Variants in PCSK5 observed in about 807,000 individuals in gnomAD.
The protein encoded by PCSK5 is proprotein convertase subtilisin/kexin type 5.
PCSK5 carries 129 observed loss-of-function variants against 233.2 expected under a neutral mutation model. The ratio of observed to expected loss-of-function variants is 0.55; its 90% CI spans 0.48 to 0.64. PCSK5 has a LOEUF of 0.64. Ranked by LOEUF, PCSK5 falls within the 30% of genes least tolerant of loss-of-function variation. The pLI is 0.00. For synonymous variants in PCSK5, 825 were observed against 879.2 expected (o/e 0.94, Z 1.09); for missense variants, 2,076 against 2,430.1 (o/e 0.85, Z 3.06).
chr9:75,977,756 G>A (rs922132433), intron 2 of PCSK5, among the ~76,000 whole-genome samples: 6 of 151,478 alleles, frequency 4.0e-5, no homozygotes, highest in African/African-American at 1.2e-4. Context: ...GATTACAGGC[G>A]CCTCCCACCA....
chr9:76,235,799 C>T (rs986178912), intron 22 of PCSK5, among the ~76,000 whole-genome samples: 5 of 152,188 alleles, frequency 3.3e-5, no homozygotes, highest in African/African-American at 1.2e-4. Flanking sequence ...GTAGCTCTGC[C>T]TCCTTGAGAG....
chr9:75,952,717 G>A (rs1218091661), intron 2 of PCSK5, among the ~76,000 whole-genome samples: 1 of 152,130 alleles, frequency 6.6e-6, no homozygotes, highest in Non-Finnish European at 1.5e-5. Flanking sequence ...GAATAATTCG[G>A]TATGTAGTCT....
intron 1 of PCSK5, among the ~76,000 whole-genome samples, chr9:75,908,909 A>ATCTATCTC (rs1822549235): frequency 7.8e-6 from 1 of 127,794 alleles, no homozygotes; most frequent in Non-Finnish European, 1.7e-5. Context: ...CTATCTATCT[A>ATCTATCTC]TCTATCTATC....
At chr9:75,942,655 C>G (rs1824365588) in intron 2 of PCSK5, among the ~76,000 whole-genome samples, 1 of 152,108 alleles carries the variant, frequency 6.6e-6, no homozygotes, top group Non-Finnish European at 1.5e-5. Context: ...TCACTGACAC[C>G]TATGACTGCC....
intron 24 of PCSK5, among the ~76,000 whole-genome samples, chr9:76,291,563 G>A (rs1439682762): frequency 1.3e-5 from 2 of 152,148 alleles, no homozygotes; most frequent in Admixed American, 6.5e-5. Context: ...CATCTTCTGG[G>A]AAGTGTTAGG....
chr9:76,177,793 T>C (rs367624667), intron 14 of PCSK5, among the ~76,000 whole-genome samples: 2 of 152,306 alleles, frequency 1.3e-5, no homozygotes, highest in South Asian at 2.1e-4. Context: ...TATTGGCACT[T>C]GTGAGAGAAC....
chr9:75,980,270 T>G (rs1225548934), intron 2 of PCSK5, among the ~76,000 whole-genome samples: 1 of 152,216 alleles, frequency 6.6e-6, no homozygotes, highest in Non-Finnish European at 1.5e-5. Flanking sequence ...TTTCTAAAAT[T>G]TTGGCTTCCT....
At chr9:75,982,276 G>T (rs996149525) in intron 2 of PCSK5, among the ~76,000 whole-genome samples, 1 of 151,994 alleles carries the variant, frequency 6.6e-6, no homozygotes, top group African/African-American at 2.4e-5. Context: ...GTTCTTACTG[G>T]CAGTGTTTTA....
chr9:76,214,781 TG>T (rs1344388964), intron 20 of PCSK5, among the ~76,000 whole-genome samples: 1 of 152,178 alleles, frequency 6.6e-6, no homozygotes, highest in Non-Finnish European at 1.5e-5. Flanking sequence ...TCCTGAGCCT[TG>T]GTTTCCTCAT....
chr9:76,246,483 G>A (rs1826602510), intron 24 of PCSK5, among the ~76,000 whole-genome samples: 1 of 151,826 alleles, frequency 6.6e-6, no homozygotes, highest in African/African-American at 2.4e-5. Flanking sequence ...CTGGTGGGAA[G>A]ACAAAATGGT....
Position 75,903,562 on chromosome 9 carries a change from A to ATG in PCSK5, c.192+12201_192+12202dup, listed in dbSNP as rs139359219. Reference sequence around the variant, plus strand: ...TATGTGTATGTGCATGTGTGTATATATGTGTGTGTGTGTATATATATATAT... The same window carrying ATG: ...TATGTGTATGTGCATGTGTGTATATATGTGTGTGTGTGTGTATATATATATAT... On this transcript the variant is annotated intron_variant, in intron 1 of 37. Transcript: ENST00000674117. Among the ~76,000 whole-genome samples, 172 of 136,684 alleles carry ATG rather than the reference A, an allele frequency of 1.3e-3. 5 individuals carry two copies. In the South Asian group the frequency reaches 0.027, roughly 22 times the overall value. 89.7% of individuals were successfully genotyped at this position (136,684 alleles called of 152,430 possible).
At chr9:75,966,091 A>T (rs1384564957) in intron 2 of PCSK5, among the ~76,000 whole-genome samples, 2 of 152,004 alleles carry the variant, frequency 1.3e-5, no homozygotes, top group Non-Finnish European at 2.9e-5. Flanking sequence ...TGCTGTGTTG[A>T]CCTCTCTTGG....
intron 24 of PCSK5, among the ~76,000 whole-genome samples, chr9:76,270,792 A>G (rs552366469): frequency 6.6e-6 from 1 of 152,310 alleles, no homozygotes; most frequent in South Asian, 2.1e-4. Flanking sequence ...TGGGTGTGTG[A>G]ATATTTTTAT....
At chr9:76,343,191 G>A (rs1478451246) in intron 35 of PCSK5, among the ~76,000 whole-genome samples, 3 of 146,414 alleles carry the variant, frequency 2.0e-5, no homozygotes, top group Non-Finnish European at 4.5e-5. Flanking sequence ...TTGAGACAGA[G>A]CCTCGCTGTG....
chr9:76,118,243 A>G (rs533810752), intron 9 of PCSK5, among the ~76,000 whole-genome samples: 54 of 152,212 alleles, frequency 3.5e-4, no homozygotes, highest in Non-Finnish European at 6.8e-4. Context: ...GAGAGTGTTC[A>G]GGGGTCACCA....
At chr9:76,059,801 T>C (rs1829960375) in intron 5 of PCSK5, among the ~76,000 whole-genome samples, 1 of 152,052 alleles carries the variant, frequency 6.6e-6, no homozygotes, top group South Asian at 2.1e-4. Flanking sequence ...TGTTTCAAAT[T>C]TTTTATCCTA....
At chr9:76,096,997 T>C (rs1357341256) in intron 8 of PCSK5, among the ~76,000 whole-genome samples, 1 of 151,628 alleles carries the variant, frequency 6.6e-6, no homozygotes, top group African/African-American at 2.4e-5. Context: ...AGTGGTGCGA[T>C]CTCGGCTCAC....
At chr9:76,128,802 T>C (rs1447926852) in intron 9 of PCSK5, among the ~76,000 whole-genome samples, 1 of 152,202 alleles carries the variant, frequency 6.6e-6, no homozygotes, top group African/African-American at 2.4e-5. Context: ...GGTATTTGGG[T>C]AATACCAATA....
At chr9:76,262,795 A>G (rs1221043153) in intron 24 of PCSK5, among the ~76,000 whole-genome samples, 1 of 151,144 alleles carries the variant, frequency 6.6e-6, no homozygotes, top group Non-Finnish European at 1.5e-5. Context: ...ATTAAACTAA[A>G]GAGCTTCTGC....
Sources: gnomAD v4.1 joint callset for allele counts (sites outside exome capture counted in the v4.1 genomes callset) on GRCh38, gnomAD v4.1.1 for gene constraint, MANE v1.5 for transcripts, NCBI Gene and HGNC (gene_info 2026-07-23, HGNC 2026-07-21) for gene names.